The following USP49 variants were observed in gnomAD, a reference collection of about 807,000 sequenced individuals.
USP49 encodes ubiquitin carboxyl-terminal hydrolase 49.
A neutral mutation model predicts 58.6 loss-of-function variants in USP49; 24 were observed. The ratio of observed to expected loss-of-function variants is 0.41; its 90% CI spans 0.30 to 0.58. The LOEUF is 0.58. Ranked by LOEUF, USP49 falls within the 20% of genes least tolerant of loss-of-function variation. USP49 has a pLI of 0.30. For synonymous variants in USP49, 408 were observed against 365.1 expected (o/e 1.12, Z -1.34); for missense variants, 703 against 866.1 (o/e 0.81, Z 2.36).
chr6:41,849,901 G>C (rs1292006395), intron 3 of USP49, among the ~76,000 whole-genome samples: 2 of 151,914 alleles, frequency 1.3e-5, no homozygotes, highest in African/African-American at 4.8e-5. Flanking sequence ...CACTGTGCCC[G>C]GCACAAAGTA....
chr6:41,835,222 G>C (rs1477258584), intron 3 of USP49, among the ~76,000 whole-genome samples: 1 of 152,198 alleles, frequency 6.6e-6, no homozygotes, highest in Admixed American at 6.5e-5. Context: ...GGATGAGATG[G>C]AAGGATGACA....
chr6:41,857,763 C>T (rs1774155252), intron 3 of USP49, among the ~76,000 whole-genome samples: 1 of 152,168 alleles, frequency 6.6e-6, no homozygotes, highest in Non-Finnish European at 1.5e-5. Flanking sequence ...CCTGATTAGA[C>T]TTTGAAGTCC....
At chr6:41,824,712 C>CA (rs1561910140) in intron 3 of USP49, among the ~76,000 whole-genome samples, 1 of 151,936 alleles carries the variant, frequency 6.6e-6, no homozygotes. Flanking sequence ...GTCTCCAAAA[C>CA]AAAAAACAAG....
intron 3 of USP49, among the ~76,000 whole-genome samples, chr6:41,818,705 A>G (rs1289774859): frequency 6.6e-6 from 1 of 152,200 alleles, no homozygotes; most frequent in Non-Finnish European, 1.5e-5. Flanking sequence ...GAATCCCAAC[A>G]CATGAATGTT....
intron 3 of USP49, among the ~76,000 whole-genome samples, chr6:41,858,902 T>C (rs1247753644): frequency 2.6e-5 from 4 of 152,174 alleles, no homozygotes. Context: ...GACGATAAGC[T>C]CCATGAGGGC....
intron 3 of USP49, among the ~76,000 whole-genome samples, chr6:41,855,695 T>C (rs1224000560): frequency 6.6e-6 from 1 of 152,104 alleles, no homozygotes; most frequent in Non-Finnish European, 1.5e-5. Context: ...AGCTACCTTT[T>C]TTCAGTCCCT....
Position 41,794,513 on chromosome 6 carries a change from CAT to C in USP49, c.*2018_*2019del, listed in dbSNP as rs1440965335. ...ATTCAATGAAAGATGAGGCACGATTCATAGTTTCCTTTCCTTTTTACTCTCCT... is the reference window on the plus strand; with the variant it reads ...ATTCAATGAAAGATGAGGCACGATTCAGTTTCCTTTCCTTTTTACTCTCCT... On this transcript the variant is annotated 3_prime_UTR_variant, in exon 8 of 8. Transcript: ENST00000682992. 2.6e-5 allele frequency: 4 copies of C among 152,128 alleles called. No homozygotes were observed. The highest frequency in any genetic ancestry group is 5.9e-5 in the Non-Finnish European group (4 of 68,020). 9.4% of individuals were successfully genotyped at this position (152,128 alleles called of 1,614,324 possible).
In USP49 at chr6:41,855,324, G is replaced by A. The variant is rs9462749; in HGVS notation, c.-29+16240C>T. ...GAGGTCAGGAGTTCAAGGCCTGCCT[G>A]ACCAACATGGTGAAATCCCGTCTCT... On this transcript the variant is annotated intron_variant, in intron 3 of 7. Transcript: ENST00000682992. Among the ~76,000 whole-genome samples, 963 of 151,862 alleles carry A rather than the reference G, an allele frequency of 6.3e-3. 8 individuals carry two copies. Among genetic ancestry groups the A allele is most frequent in the African/African-American group, 0.02 (841 of 41,424 alleles).
chr6:41,848,845 G>C (rs1012365070), intron 3 of USP49, among the ~76,000 whole-genome samples: 2 of 149,430 alleles, frequency 1.3e-5, no homozygotes, highest in African/African-American at 5.0e-5. Flanking sequence ...ACACCAGTGA[G>C]ACACCGTCTA....
intron 3 of USP49, among the ~76,000 whole-genome samples, chr6:41,863,733 G>A (rs562626150): frequency 6.6e-6 from 1 of 152,244 alleles, no homozygotes; most frequent in Non-Finnish European, 1.5e-5. Flanking sequence ...AAAATTAGAT[G>A]AACAACATTA....
chr6:41,819,533 C>G (rs111893985), intron 3 of USP49, among the ~76,000 whole-genome samples: 1 of 151,800 alleles, frequency 6.6e-6, no homozygotes. Context: ...TGAATTGTAC[C>G]CTTGACATAT....
intron 3 of USP49, among the ~76,000 whole-genome samples, chr6:41,843,408 T>C (rs1366554287): frequency 6.6e-6 from 1 of 152,194 alleles, no homozygotes; most frequent in Non-Finnish European, 1.5e-5. Context: ...TGTATAAGCA[T>C]TGCGTATGTC....
At position 41,790,973 on chromosome 6, in the gene USP49, C is replaced by T. The variant is rs1453692260; in HGVS notation, c.*5560G>A. ...TTAAGCCATAGTATAGATGCTAACC[C>T]CCATTTAGACCTGCATCAGATCACT... On this transcript the variant is annotated 3_prime_UTR_variant, in exon 8 of 8. Coordinates refer to ENST00000682992, the MANE Select transcript of USP49 (RefSeq NM_001286554.2). The T allele has an allele frequency of 6.6e-6, 1 of 152,122 alleles. No individual in the cohort carries two copies. The highest frequency in any genetic ancestry group is 2.1e-4 in the South Asian group (1 of 4,826). The allele number at this position is 152,122 out of a possible 1,614,324, so 9.4% of individuals were successfully genotyped here.
rs573338937 is a variant in USP49 at position 41,791,204 on chromosome 6, G to A, written c.*5329C>T. 1 of 152,352 alleles carries A rather than the reference G, an allele frequency of 6.6e-6. No homozygotes were observed. Among genetic ancestry groups the A allele is most frequent in the African/African-American group, 2.4e-5 (1 of 41,574 alleles). The allele number at this position is 152,352 out of a possible 1,614,324, so 9.4% of individuals were successfully genotyped here. The stretch of plus-strand genomic sequence containing the variant: ...TCAAAATTTACTGTTTTGGCTTCAA[G>A]TAAGTGTTTACTGTTGGTTGGGTTT... On this transcript the variant is annotated 3_prime_UTR_variant, in exon 8 of 8. Transcript: ENST00000682992.
At chr6:41,810,860 G>A (rs1236104540) in intron 3 of USP49, among the ~76,000 whole-genome samples, 1 of 152,048 alleles carries the variant, frequency 6.6e-6, no homozygotes, top group Non-Finnish European at 1.5e-5. Context: ...TGCCCGGCCG[G>A]TAGTTCCTCT....
chr6:41,812,553 C>T (rs1032123478), intron 3 of USP49, among the ~76,000 whole-genome samples: 1 of 151,612 alleles, frequency 6.6e-6, no homozygotes, highest in Non-Finnish European at 1.5e-5. Flanking sequence ...AATAGCCGGG[C>T]GTGGTGGCGG....
intron 1 of USP49, among the ~76,000 whole-genome samples, chr6:41,892,156 C>A (rs1463743262): frequency 6.6e-6 from 1 of 151,922 alleles, no homozygotes; most frequent in Non-Finnish European, 1.5e-5. Flanking sequence ...CACACTAAGG[C>A]CGTTGCATAC....
chr6:41,894,933 C>T (rs1774871024), intron 1 of USP49, among the ~76,000 whole-genome samples: 1 of 151,846 alleles, frequency 6.6e-6, no homozygotes, highest in African/African-American at 2.4e-5. Flanking sequence ...CCTTCCTTTC[C>T]CTCTCCCTTC....
intron 3 of USP49, among the ~76,000 whole-genome samples, chr6:41,848,368 T>C (rs1773959928): frequency 1.3e-5 from 2 of 151,936 alleles, no homozygotes; most frequent in Non-Finnish European, 1.5e-5. Context: ...TCCCTATTGG[T>C]AGCCTATGTT....
Sources: gnomAD v4.1 joint callset for allele counts (sites outside exome capture counted in the v4.1 genomes callset) on GRCh38, gnomAD v4.1.1 for gene constraint, MANE v1.5 for transcripts, NCBI Gene and HGNC (gene_info 2026-07-23, HGNC 2026-07-21) for gene names.